Variants in DZIP3 observed in about 807,000 individuals in gnomAD.
DZIP3 encodes DAZ interacting zinc finger protein 3.
In DZIP3, 118 loss-of-function variants were observed where a neutral mutation model predicts 162.0. The observed-to-expected ratio is 0.73, with a 90% CI of 0.63 to 0.85. The LOEUF is 0.85. DZIP3 is among the 40% of genes least tolerant of loss of function. The pLI, the probability that DZIP3 is intolerant of heterozygous loss-of-function variation, is 0.00. For synonymous variants in DZIP3, 438 were observed against 458.6 expected (o/e 0.96, Z 0.57); for missense variants, 1,331 against 1,407.0 (o/e 0.95, Z 0.86).
Position 108,654,213 on chromosome 3 carries a change from T to C in DZIP3, c.2102T>C (p.Leu701Pro). 1 of 1,613,812 alleles carries C rather than the reference T, an allele frequency of 6.2e-7. No homozygotes were observed. The highest frequency in any genetic ancestry group is 8.5e-7 in the Non-Finnish European group (1 of 1,179,762). Reference protein sequence around the residue: ...EQANPHSVSRLIKDDASDVQE... With the variant: ...EQANPHSVSRPIKDDASDVQE... ...GCAAATCCACACTCAGTCAGTAGAC[T>C]TATAAAAGATGATGCAAGTGATGTT... Residue 701 changes from leucine (L) to proline (P), a missense_variant, in exon 19 of 33, where the codon CTT becomes CCT. Physicochemically the swap from Leu to Pro is moderately conservative, Grantham distance 98. Transcript: ENST00000361582.
intron 8 of DZIP3, among the ~76,000 whole-genome samples, chr3:108,631,055 A>ACACACTCTCTCTCTCTCTCTCTCTCT: frequency 3.9e-4 from 7 of 18,014 alleles, no homozygotes; most frequent in African/African-American, 1.1e-3. Context: ...ACACACACAC[A>ACACACTCTCTCTCTCTCTCTCTCTCT]CTCTCTCTCT....
At chr3:108,690,416 T>C in intron 31 of DZIP3, among the ~76,000 whole-genome samples, 1 of 152,194 alleles carries the variant, frequency 6.6e-6, no homozygotes. Flanking sequence ...CAGGTACTAG[T>C]GACTTTTGTA....
At chr3:108,692,015 A>G (rs1352264649) in intron 32 of DZIP3, among the ~76,000 whole-genome samples, 1 of 152,102 alleles carries the variant, frequency 6.6e-6, no homozygotes, top group Non-Finnish European at 1.5e-5. Flanking sequence ...ATGTGCGAAC[A>G]TTGTCCGCAT....
intron 21 of DZIP3, among the ~76,000 whole-genome samples, chr3:108,666,467 T>C (rs1298603225): frequency 1.3e-5 from 2 of 152,056 alleles, no homozygotes; most frequent in African/African-American, 4.8e-5. Flanking sequence ...AACTCCACTC[T>C]CAATTTATAG....
chr3:108,623,286 C>A (rs1207330347), intron 5 of DZIP3, among the ~76,000 whole-genome samples: 1 of 152,098 alleles, frequency 6.6e-6, no homozygotes, highest in Non-Finnish European at 1.5e-5. Flanking sequence ...TGGGTCACAT[C>A]TGAAGCCAGC....
At chr3:108,678,036 A>G (rs1355791594) in intron 26 of DZIP3, among the ~76,000 whole-genome samples, 1 of 151,980 alleles carries the variant, frequency 6.6e-6, no homozygotes, top group Non-Finnish European at 1.5e-5. Flanking sequence ...CATTGCTCAC[A>G]TTACCACCTG....
At chr3:108,642,866 G>A (rs992807843) in intron 13 of DZIP3, among the ~76,000 whole-genome samples, 1 of 152,146 alleles carries the variant, frequency 6.6e-6, no homozygotes, top group African/African-American at 2.4e-5. Flanking sequence ...TTACATGAAA[G>A]GAATGAACAT....
At chr3:108,643,215 A>G (rs895679572) in intron 13 of DZIP3, among the ~76,000 whole-genome samples, 1 of 152,168 alleles carries the variant, frequency 6.6e-6, no homozygotes, top group African/African-American at 2.4e-5. Flanking sequence ...TCCATATAAC[A>G]CCAAATGCCA....
chr3:108,661,603 T>C (rs1943438258), intron 19 of DZIP3, among the ~76,000 whole-genome samples: 1 of 152,034 alleles, frequency 6.6e-6, no homozygotes, highest in Non-Finnish European at 1.5e-5. Context: ...ACCTGCACAT[T>C]GTGCACATGT....
chr3:108,664,979 G>C (rs1426119825), intron 21 of DZIP3, among the ~76,000 whole-genome samples: 1 of 152,098 alleles, frequency 6.6e-6, no homozygotes, highest in East Asian at 1.9e-4. Context: ...ACACCTCCTT[G>C]GCTTTTACAT....
chr3:108,592,736 T>C (rs900407265), intron 1 of DZIP3, among the ~76,000 whole-genome samples: 9 of 151,866 alleles, frequency 5.9e-5, no homozygotes, highest in Non-Finnish European at 1.2e-4. Context: ...GTATTCAGGT[T>C]ATATTTTATG....
intron 5 of DZIP3, among the ~76,000 whole-genome samples, chr3:108,618,094 G>C (rs1409075578): frequency 6.6e-6 from 1 of 152,206 alleles, no homozygotes; most frequent in Non-Finnish European, 1.5e-5. Flanking sequence ...TGTATTATGG[G>C]GGTGCAGTTG....
chr3:108,601,231 T>G (rs1939995599), intron 1 of DZIP3, among the ~76,000 whole-genome samples: 1 of 152,132 alleles, frequency 6.6e-6, no homozygotes, highest in African/African-American at 2.4e-5. Context: ...TATCGTTGAT[T>G]GCCACAATGG....
At chr3:108,604,846 T>G (rs1940241718) in intron 1 of DZIP3, among the ~76,000 whole-genome samples, 1 of 152,210 alleles carries the variant, frequency 6.6e-6, no homozygotes, top group Non-Finnish European at 1.5e-5. Flanking sequence ...TTGTGTCTTT[T>G]GATCTATTAA....
At position 108,651,134 on chromosome 3, in the gene DZIP3, C is replaced by T. The variant is rs777460442; in HGVS notation, c.2008-3C>T. ...GATTACTAATTCTTATGTTATTTTT[C>T]AGAATAAAGACTCAAAAGAAGACCA... On this transcript the variant is annotated splice_polypyrimidine_tract_variant and splice_region_variant and intron_variant, in intron 17 of 32. Coordinates refer to ENST00000361582, the MANE Select transcript of DZIP3 (RefSeq NM_014648.4). 4.1e-6 allele frequency: 3 copies of T among 727,154 alleles called. No individual in the cohort carries two copies. Among genetic ancestry groups the T allele is most frequent in the Admixed American group, 3.6e-5 (1 of 27,454 alleles). 45.0% of individuals were successfully genotyped at this position (727,154 alleles called of 1,614,324 possible).
At chr3:108,625,211 T>C (rs925902311) in intron 6 of DZIP3, among the ~76,000 whole-genome samples, 1 of 152,168 alleles carries the variant, frequency 6.6e-6, no homozygotes, top group Non-Finnish European at 1.5e-5. Context: ...GCATCTATTA[T>C]AACAGATCCT....
intron 2 of DZIP3, 80 bp from the exon 3 acceptor site, chr3:108,608,009 A>G (rs764263153): frequency 7.2e-5 from 88 of 1,216,110 alleles, no homozygotes; most frequent in Non-Finnish European, 9.6e-5. Flanking sequence ...CAATAATTCA[A>G]TTGTTAGATT....
chr3:108,658,070 A>T (rs1020654638), intron 19 of DZIP3, among the ~76,000 whole-genome samples: 20 of 152,294 alleles, frequency 1.3e-4, no homozygotes, highest in Non-Finnish European at 2.6e-4. Context: ...TGTCAACATT[A>T]GACAGATCAA....
intron 21 of DZIP3, among the ~76,000 whole-genome samples, chr3:108,668,798 G>A (rs565639330): frequency 5.3e-5 from 8 of 152,020 alleles, no homozygotes; most frequent in East Asian, 1.9e-4. Context: ...AAATCTGGTA[G>A]TGAGCAATCC....
Sources: allele counts gnomAD v4.1 joint callset (sites outside exome capture counted in the v4.1 genomes callset), GRCh38; gene constraint gnomAD v4.1.1; transcripts MANE v1.5; gene names NCBI Gene and HGNC (gene_info 2026-07-23, HGNC 2026-07-21).